ASIC2: variants seen among roughly 807,000 people sequenced by gnomAD.
The protein encoded by ASIC2 is acid sensing ion channel subunit 2.
Under a neutral mutation model 57.3 loss-of-function variants are expected in ASIC2, and 25 were observed. The ratio of observed to expected loss-of-function variants is 0.44; its 90% CI spans 0.32 to 0.61. ASIC2 has a LOEUF of 0.61. ASIC2 is among the 20% of genes least tolerant of loss of function. The probability of loss-of-function intolerance (pLI) is 0.06; values close to 1 mark genes in which losing one functional copy is unlikely to be tolerated. For synonymous variants in ASIC2, 319 were observed against 307.5 expected, an observed-to-expected ratio of 1.04 and a Z score of -0.39; for missense variants, 641 against 738.1, an observed-to-expected ratio of 0.87 and a Z score of 1.52.
chr17:33,424,522 G>C (rs1280951114), intron 1 of ASIC2, among the ~76,000 whole-genome samples: 1 of 152,206 alleles, frequency 6.6e-6, no homozygotes, highest in Non-Finnish European at 1.5e-5. Flanking sequence ...CTCTGTGACT[G>C]GATTTGCACA....
At chr17:33,562,314 C>G (rs767335134) in intron 1 of ASIC2, among the ~76,000 whole-genome samples, 5 of 152,054 alleles carry the variant, frequency 3.3e-5, no homozygotes, top group Non-Finnish European at 2.9e-5. Context: ...ATCTCTGTCG[C>G]TTTCTGGTGC....
chr17:33,345,228 T>G (rs1907896650), intron 1 of ASIC2, among the ~76,000 whole-genome samples: 1 of 152,188 alleles, frequency 6.6e-6, no homozygotes, highest in African/African-American at 2.4e-5. Flanking sequence ...TGTCAGAGAT[T>G]AGCAGTTTTT....
At chr17:33,818,896 C>A (rs1036199767) in intron 1 of ASIC2, among the ~76,000 whole-genome samples, 4 of 152,300 alleles carry the variant, frequency 2.6e-5, no homozygotes, top group Middle Eastern at 3.4e-3. Flanking sequence ...ATTGGGCATG[C>A]CTTCCAAGGC....
chr17:33,292,560 G>A lies in ASIC2; in HGVS notation c.-445C>T. The A allele has an allele frequency of 2.0e-6, 2 of 985,852 alleles. No individual in the cohort carries two copies. Among genetic ancestry groups the A allele is most frequent in the Non-Finnish European group, 2.4e-6 (2 of 830,310 alleles). 61.1% of individuals were successfully genotyped at this position (985,852 alleles called of 1,614,324 possible). Reference sequence around the variant, plus strand: ...AACCCCAGCTTTTACGCTGGTCCTGGGAGAAGGGCCACTCGGCCACCATGC... The same window carrying A: ...AACCCCAGCTTTTACGCTGGTCCTGAGAGAAGGGCCACTCGGCCACCATGC... On this transcript the variant is annotated 5_prime_UTR_variant, in exon 1 of 10. Transcript: ENST00000225823.
chr17:33,209,238 T>G (rs1271139749), intron 1 of ASIC2, among the ~76,000 whole-genome samples: 1 of 152,234 alleles, frequency 6.6e-6, no homozygotes, highest in Non-Finnish European at 1.5e-5. Context: ...GTCACAGAGA[T>G]AGAGGCTATT....
At chr17:33,974,031 C>G (rs979775560) in intron 1 of ASIC2, among the ~76,000 whole-genome samples, 22 of 152,118 alleles carry the variant, frequency 1.4e-4, no homozygotes, top group African/African-American at 5.3e-4. Flanking sequence ...TGCCTTTTTC[C>G]GTCCACTAAT....
intron 1 of ASIC2, among the ~76,000 whole-genome samples, chr17:33,679,455 A>C (rs377511440): frequency 6.6e-6 from 1 of 152,218 alleles, no homozygotes; most frequent in African/African-American, 2.4e-5. Context: ...ACACTCATTC[A>C]GCAGGGATTT....
At chr17:33,712,870 C>A (rs1909095147) in intron 1 of ASIC2, among the ~76,000 whole-genome samples, 2 of 151,994 alleles carry the variant, frequency 1.3e-5, no homozygotes, top group Admixed American at 6.5e-5. Context: ...TGGTCTCGAT[C>A]TCCTGACCTC....
At chr17:34,004,451 T>A (rs994462485) in intron 1 of ASIC2, 1 of 152,264 alleles carries the variant, frequency 6.6e-6, no homozygotes, top group East Asian at 1.9e-4. Context: ...GTTCTTGTTC[T>A]GCCAACGATT....
chr17:33,466,542 A>G (rs1912870438), intron 1 of ASIC2, among the ~76,000 whole-genome samples: 1 of 152,196 alleles, frequency 6.6e-6, no homozygotes, highest in Admixed American at 6.5e-5. Flanking sequence ...TGCCAAGACA[A>G]TCTTATGGAA....
At chr17:33,310,595 C>A (rs925052494) in intron 1 of ASIC2, among the ~76,000 whole-genome samples, 9 of 152,156 alleles carry the variant, frequency 5.9e-5, no homozygotes, top group African/African-American at 1.9e-4. Flanking sequence ...GTAAAAAATG[C>A]CTCTGAAGAA....
chr17:34,149,049 T>C (rs1023698514), intron 1 of ASIC2, among the ~76,000 whole-genome samples: 2 of 152,100 alleles, frequency 1.3e-5, no homozygotes, highest in African/African-American at 4.8e-5. Context: ...TATAATTATA[T>C]CTGGGAAGCA....
chr17:33,148,383 C>T (rs1904651581), intron 1 of ASIC2, among the ~76,000 whole-genome samples: 2 of 152,224 alleles, frequency 1.3e-5, no homozygotes, highest in African/African-American at 2.4e-5. Flanking sequence ...ATCAAGGTCA[C>T]CCAACTTCAC....
At chr17:34,105,513 G>GTTTTTTTTTTTTTTTTTTTTTTTTTTT (rs1598029248) in intron 1 of ASIC2, among the ~76,000 whole-genome samples, 1 of 93,366 alleles carries the variant, frequency 1.1e-5, no homozygotes. Context: ...TTTATTTTTG[G>GTTTTTTTTTTTTTTTTTTTTTTTTTTT]TCTTTATTGG....
Position 33,688,448 on chromosome 17 carries a change from C to T in ASIC2, c.555+467530G>A, listed in dbSNP as rs191345305. On this transcript the variant is annotated intron_variant, in intron 1 of 9. Coordinates refer to the ASIC2 transcript ENST00000359872. ...GAATGTTAACTTAACAGTATTAGTA[C>T]ACCCACTCACCTGTGATGTACTTAA... 3.7e-4 allele frequency among the ~76,000 whole-genome samples: 56 copies of T among 152,242 alleles called. 1 individual carries two copies. The highest frequency in any genetic ancestry group is 5.9e-4 in the Non-Finnish European group (40 of 68,020).
At chr17:33,027,432 C>T (rs1453604187) in intron 4 of ASIC2, among the ~76,000 whole-genome samples, 2 of 152,174 alleles carry the variant, frequency 1.3e-5, no homozygotes, top group Admixed American at 6.5e-5. Flanking sequence ...ACAACATTCC[C>T]GGCACATAGT....
intron 1 of ASIC2, among the ~76,000 whole-genome samples, chr17:33,974,032 G>A (rs769883060): frequency 5.3e-5 from 8 of 151,912 alleles, no homozygotes; most frequent in South Asian, 2.1e-4. Flanking sequence ...GCCTTTTTCC[G>A]TCCACTAATC....
At chr17:33,057,922 C>A (rs964530412) in intron 3 of ASIC2, among the ~76,000 whole-genome samples, 1 of 152,174 alleles carries the variant, frequency 6.6e-6, no homozygotes, top group South Asian at 2.1e-4. Flanking sequence ...TGAGGCTGAA[C>A]CTGCACAGAT....
chr17:33,342,324 A>G (rs66487915), intron 1 of ASIC2, among the ~76,000 whole-genome samples: 941 of 91,560 alleles, frequency 0.01, 13 homozygotes, highest in African/African-American at 0.032. Context: ...GTGTGTGTAC[A>G]TGTGTGTGTG....
Sources: allele counts gnomAD v4.1 joint callset (sites outside exome capture counted in the v4.1 genomes callset), GRCh38; gene constraint gnomAD v4.1.1; transcripts MANE v1.5; gene names NCBI Gene and HGNC (gene_info 2026-07-23, HGNC 2026-07-21).